VWA8: variants seen among roughly 807,000 people sequenced by gnomAD.
VWA8 encodes the protein von Willebrand factor A domain containing 8, also known as von Willebrand factor A domain-containing protein 8.
A neutral mutation model predicts 241.5 loss-of-function variants in VWA8; 221 were observed. The ratio of observed to expected loss-of-function variants is 0.91; its 90% CI spans 0.82 to 1.02. VWA8 has a LOEUF of 1.02. VWA8 is among the 50% of genes least tolerant of loss of function. The pLI is 0.00. For synonymous variants in VWA8, 852 were observed against 827.1 expected, an observed-to-expected ratio of 1.03 and a Z score of -0.52; for missense variants, 2,322 against 2,328.7, an observed-to-expected ratio of 1.00 and a Z score of 0.06.
intron 17 of VWA8, among the ~76,000 whole-genome samples, chr13:41,802,613 CAA>C (rs1870011424): frequency 6.6e-6 from 1 of 152,170 alleles, no homozygotes; most frequent in Admixed American, 6.5e-5. Context: ...GAGGGGAGAG[CAA>C]AGAGGACTTT....
intron 34 of VWA8, among the ~76,000 whole-genome samples, chr13:41,685,910 TC>T (rs2045133200): frequency 6.6e-6 from 1 of 152,180 alleles, no homozygotes. Context: ...TATTTATCCT[TC>T]CTAAGATCAT....
chr13:41,625,530 A>G (rs1165481519), intron 37 of VWA8, among the ~76,000 whole-genome samples: 1 of 152,200 alleles, frequency 6.6e-6, no homozygotes, highest in Non-Finnish European at 1.5e-5. Context: ...AACCACAATG[A>G]GATACCATCT....
chr13:41,864,141 T>TAAAA (rs1173896404), intron 12 of VWA8, among the ~76,000 whole-genome samples: 10 of 114,264 alleles, frequency 8.8e-5, no homozygotes, highest in Non-Finnish European at 1.3e-4. Flanking sequence ...ATGATGATTA[T>TAAAA]AAAAAAAAAA....
intron 17 of VWA8, among the ~76,000 whole-genome samples, chr13:41,802,472 G>A (rs1188973497): frequency 6.6e-6 from 1 of 152,200 alleles, no homozygotes; most frequent in South Asian, 2.1e-4. Context: ...TGAGTCGGTA[G>A]AGTTGGAGTG....
chr13:41,854,009 A>C (rs1872633840), intron 12 of VWA8, among the ~76,000 whole-genome samples: 1 of 152,204 alleles, frequency 6.6e-6, no homozygotes, highest in Non-Finnish European at 1.5e-5. Flanking sequence ...ATCAGGGTGC[A>C]GCTTCAATTG....
chr13:41,778,118 A>G, intron 19 of VWA8, 62 bp from the exon 20 acceptor site: 1 of 1,203,820 alleles, frequency 8.3e-7, no homozygotes, highest in Non-Finnish European at 1.2e-6. Context: ...AAGAAAGTTA[A>G]CTATAAAGAT....
intron 21 of VWA8, among the ~76,000 whole-genome samples, chr13:41,752,022 CA>C (rs1190974569): frequency 6.6e-6 from 1 of 152,140 alleles, no homozygotes. Flanking sequence ...GTAGATCACA[CA>C]CAGGAGTTAC....
At chr13:41,637,081 C>T (rs1326158561) in intron 37 of VWA8, among the ~76,000 whole-genome samples, 4 of 150,984 alleles carry the variant, frequency 2.6e-5, no homozygotes, top group African/African-American at 4.9e-5. Context: ...ACCCAAAGGA[C>T]TATAAATCAT....
At chr13:41,812,086 C>T (rs1045129488) in intron 16 of VWA8, among the ~76,000 whole-genome samples, 1 of 152,064 alleles carries the variant, frequency 6.6e-6, no homozygotes, top group South Asian at 2.1e-4. Flanking sequence ...GCTCAGTTCC[C>T]TCAACTTTAA....
At chr13:41,903,976 G>C (rs17450553) in intron 4 of VWA8, among the ~76,000 whole-genome samples, 1,952 of 152,262 alleles carry the variant, frequency 0.013, 21 homozygotes, top group Middle Eastern at 0.048. Flanking sequence ...AGTGGGATTA[G>C]AGCACAGTAA....
intron 21 of VWA8, among the ~76,000 whole-genome samples, chr13:41,751,315 C>T (rs1350210851): frequency 1.3e-5 from 2 of 152,076 alleles, no homozygotes; most frequent in African/African-American, 2.4e-5. Flanking sequence ...TGCCCAATTG[C>T]TAATAAAAAT....
At chr13:41,887,986 G>T (rs1874629315) in intron 5 of VWA8, among the ~76,000 whole-genome samples, 1 of 152,174 alleles carries the variant, frequency 6.6e-6, no homozygotes, top group Admixed American at 6.5e-5. Flanking sequence ...TTAGAGAATG[G>T]AAACAGTATG....
intron 1 of VWA8, among the ~76,000 whole-genome samples, chr13:41,951,882 G>T (rs1356812548): frequency 6.6e-6 from 1 of 152,096 alleles, no homozygotes; most frequent in Non-Finnish European, 1.5e-5. Flanking sequence ...AACAGATAAA[G>T]AAATTTATTA....
At chr13:41,696,009 T>C (rs895237616) in intron 29 of VWA8, 1 of 152,168 alleles carries the variant, frequency 6.6e-6, no homozygotes, top group Non-Finnish European at 1.5e-5. Context: ...ATATTCCAAA[T>C]GTAGTCTCAT....
chr13:41,707,411 A>G (rs751273914), intron 26 of VWA8, among the ~76,000 whole-genome samples: 4 of 152,206 alleles, frequency 2.6e-5, no homozygotes, highest in Non-Finnish European at 5.9e-5. Context: ...TGACATACCT[A>G]TTATCAACAA....
chr13:41,932,062 C>T (rs1384759685), intron 2 of VWA8, among the ~76,000 whole-genome samples: 1 of 151,978 alleles, frequency 6.6e-6, no homozygotes, highest in Non-Finnish European at 1.5e-5. Flanking sequence ...AACCTCTGGT[C>T]AGACTATTAA....
intron 29 of VWA8, among the ~76,000 whole-genome samples, chr13:41,697,920 C>T (rs1337196561): frequency 6.6e-6 from 1 of 152,112 alleles, no homozygotes; most frequent in African/African-American, 2.4e-5. Flanking sequence ...CCCCACTACG[C>T]TTCTTTAAAG....
intron 14 of VWA8, among the ~76,000 whole-genome samples, chr13:41,821,781 A>G (rs1593794522): frequency 6.6e-6 from 1 of 152,212 alleles, no homozygotes; most frequent in Non-Finnish European, 1.5e-5. Context: ...GTCTGTGGGC[A>G]TAAGTGTGAG....
rs1435591466 is a variant in VWA8 at position 41,703,402 on chromosome 13, C to T, written c.3126G>A (p.Leu1042=). 6.2e-7 allele frequency: 1 copy of T among 1,613,894 alleles called. No homozygotes were observed. ...AGTAGCCCATGAACGTTTGTTCTGG[C>T]AGAGTCAACCTGTTAAGGATGATTT... ...TSVQLAKELT[L]PEQTFMGYWT... The change falls in exon 27 of 45, where the codon CTG becomes CTA. Residue 1042 remains leucine, a synonymous_variant. Coordinates refer to ENST00000379310, the MANE Select transcript of VWA8 (RefSeq NM_015058.2).
Sources: allele counts gnomAD v4.1 joint callset (sites outside exome capture counted in the v4.1 genomes callset), GRCh38; gene constraint gnomAD v4.1.1; transcripts MANE v1.5; gene names NCBI Gene and HGNC (gene_info 2026-07-23, HGNC 2026-07-21).